Variants in NCKAP1 observed in about 807,000 individuals in gnomAD.
The protein encoded by NCKAP1 is NCK associated protein 1, also known as nck-associated protein 1.
A neutral mutation model predicts 151.2 loss-of-function variants in NCKAP1; 21 were observed. The observed-to-expected ratio is 0.14, with a 90% CI of 0.10 to 0.20. NCKAP1 has a LOEUF of 0.20. NCKAP1 is among the 10% of genes least tolerant of loss of function. The pLI is 1.00. For synonymous variants in NCKAP1, 484 were observed against 451.8 expected (o/e 1.07, Z -0.90); for missense variants, 933 against 1,352.1 (o/e 0.69, Z 4.86).
intron 19 of NCKAP1, 73 bp downstream of exon 19, chr2:182,957,384 C>T (rs192743996): frequency 1.4e-6 from 2 of 1,462,464 alleles, no homozygotes; most frequent in African/African-American, 2.8e-5. Flanking sequence ...TTCCTCAGTA[C>T]TAATGTCAAT....
At chr2:182,932,969 C>CA (rs1417350378) in intron 26 of NCKAP1, among the ~76,000 whole-genome samples, 7 of 151,686 alleles carry the variant, frequency 4.6e-5, no homozygotes, top group East Asian at 1.9e-4. Flanking sequence ...GCAACAACAC[C>CA]AAAAAAACAA....
intron 29 of NCKAP1, among the ~76,000 whole-genome samples, chr2:182,927,874 G>T (rs961413537): frequency 6.6e-6 from 1 of 151,806 alleles, no homozygotes; most frequent in Admixed American, 6.6e-5. Context: ...GGAAATAACG[G>T]ACGGCTCCTC....
intron 9 of NCKAP1, among the ~76,000 whole-genome samples, chr2:182,988,721 T>C (rs1698106589): frequency 6.6e-6 from 1 of 152,350 alleles, no homozygotes; most frequent in East Asian, 1.9e-4. Context: ...CTCTAAAATG[T>C]ATATGGTACT....
In NCKAP1 at chr2:182,919,406, C is replaced by A. The variant is rs899940633; in HGVS notation, c.*6296G>T. On this transcript the variant is annotated 3_prime_UTR_variant, in exon 31 of 31. Coordinates refer to ENST00000361354, the MANE Select transcript of NCKAP1 (RefSeq NM_013436.5). Reference sequence around the variant, plus strand: ...TAACAGTTAAATGGTTAAATGACTACCTACTTCAATGTGCTTTCTGGCAGC... The same window carrying A: ...TAACAGTTAAATGGTTAAATGACTAACTACTTCAATGTGCTTTCTGGCAGC... 2.0e-5 allele frequency: 3 copies of A among 152,210 alleles called. No homozygotes were observed. Among genetic ancestry groups the A allele is most frequent in the Admixed American group, 2.0e-4 (3 of 15,284 alleles). 9.4% of individuals were successfully genotyped at this position (152,210 alleles called of 1,614,324 possible).
At chr2:183,021,315 G>A (rs1393485048) in intron 2 of NCKAP1, among the ~76,000 whole-genome samples, 1 of 152,172 alleles carries the variant, frequency 6.6e-6, no homozygotes, top group East Asian at 1.9e-4. Context: ...AAAAAGAAAT[G>A]AAGATTGGGC....
rs1468137053 is a variant in NCKAP1 at position 182,981,334 on chromosome 2, T to C, written c.1251A>G (p.Ala417=). The C allele has an allele frequency of 6.2e-7, 1 of 1,613,146 alleles. No homozygotes were observed. The highest frequency in any genetic ancestry group is 8.5e-7 in the Non-Finnish European group (1 of 1,179,324). ...ELIFYMEELR[A]HVRKYGPVMQ... is the part of the protein sequence containing the mutation. The stretch of plus-strand genomic sequence containing the variant: ...TTACAGGTCCGTATTTCCTCACATG[T>C]GCTCTAAGTTCTTCCATGTAAAATA... The change falls in exon 13 of 31, where the codon GCA becomes GCG. Residue 417 remains alanine, a synonymous_variant. Coordinates refer to ENST00000361354, the MANE Select transcript of NCKAP1 (RefSeq NM_013436.5).
At chr2:183,000,989 C>T (rs888205640) in intron 6 of NCKAP1, among the ~76,000 whole-genome samples, 1 of 152,060 alleles carries the variant, frequency 6.6e-6, no homozygotes, top group East Asian at 1.9e-4. Context: ...CAGCTACTCT[C>T]GAGGCAGGGG....
In NCKAP1 at chr2:182,956,481, G is replaced by A; in HGVS notation, c.2134C>T (p.Leu712=). The A allele has an allele frequency of 6.2e-7, 1 of 1,610,810 alleles. No individual in the cohort carries two copies. The highest frequency in any genetic ancestry group is 1.1e-5 in the South Asian group (1 of 89,904). ...FTPREYLTSH[L]EIRFTKSIVG... is the part of the protein sequence containing the mutation. ...TCTTACTTGGTAAAGCGTATTTCCA[G>A]ATGAGAAGTCAAATATTCTCGTGGG... The change falls in exon 20 of 31, where the codon CTG becomes TTG. Residue 712 remains leucine (L), a synonymous_variant. Coordinates refer to ENST00000361354, the MANE Select transcript of NCKAP1 (RefSeq NM_013436.5).
intron 19 of NCKAP1, 76 bp downstream of exon 19, chr2:182,957,381 G>C: frequency 2.8e-6 from 4 of 1,437,524 alleles, no homozygotes; most frequent in Non-Finnish European, 3.8e-6. Flanking sequence ...CATTTCCTCA[G>C]TACTAATGTC....
intron 17 of NCKAP1, 68 bp downstream of exon 17, chr2:182,964,608 G>C: frequency 7.7e-7 from 1 of 1,298,064 alleles, no homozygotes. Context: ...GTAAATATTT[G>C]GTTGGCTACA....
chr2:183,001,733 A>T (rs1698377962), intron 6 of NCKAP1, among the ~76,000 whole-genome samples: 1 of 152,192 alleles, frequency 6.6e-6, no homozygotes, highest in Non-Finnish European at 1.5e-5. Context: ...AAAATCTAAA[A>T]AACTATAATG....
intron 6 of NCKAP1, among the ~76,000 whole-genome samples, chr2:183,000,616 A>T (rs547035246): frequency 3.9e-5 from 6 of 152,310 alleles, no homozygotes; most frequent in East Asian, 1.9e-4. Flanking sequence ...TGATTTTTTT[A>T]AATTTCAAAA....
At chr2:183,032,394 T>C (rs1453981709) in intron 1 of NCKAP1, among the ~76,000 whole-genome samples, 2 of 152,324 alleles carry the variant, frequency 1.3e-5, no homozygotes, top group East Asian at 3.9e-4. Flanking sequence ...CATCAGATGA[T>C]TTCATCATTG....
chr2:182,926,472 T>A (rs1696650773), intron 30 of NCKAP1, among the ~76,000 whole-genome samples: 1 of 151,794 alleles, frequency 6.6e-6, no homozygotes, highest in Admixed American at 6.6e-5. Context: ...TTACGAGAAA[T>A]GGGCAGAATA....
intron 1 of NCKAP1, among the ~76,000 whole-genome samples, chr2:183,031,268 C>A (rs1223618140): frequency 6.6e-6 from 1 of 152,028 alleles, no homozygotes; most frequent in Non-Finnish European, 1.5e-5. Context: ...TATTAATTAC[C>A]ATTCCATTTA....
intron 9 of NCKAP1, among the ~76,000 whole-genome samples, chr2:182,988,233 T>C (rs890389205): frequency 3.3e-5 from 5 of 152,184 alleles, no homozygotes; most frequent in Admixed American, 6.5e-5. Flanking sequence ...GTCAGACATA[T>C]ACACATACAT....
chr2:182,932,477 C>G (rs1399353943), intron 26 of NCKAP1, among the ~76,000 whole-genome samples: 2 of 152,008 alleles, frequency 1.3e-5, no homozygotes, highest in African/African-American at 4.8e-5. Context: ...TGGGGAGTGA[C>G]TGCTAATGGG....
At chr2:182,967,018 A>C (rs1697585825) in intron 16 of NCKAP1, among the ~76,000 whole-genome samples, 198 bp downstream of exon 16, 1 of 152,216 alleles carries the variant, frequency 6.6e-6, no homozygotes, top group African/African-American at 2.4e-5. Context: ...CTTTTAGAGA[A>C]TTAAAAACAG....
chr2:182,963,297 A>T (rs765325992), intron 17 of NCKAP1, among the ~76,000 whole-genome samples: 4 of 152,096 alleles, frequency 2.6e-5, no homozygotes, highest in Non-Finnish European at 5.9e-5. Flanking sequence ...CTTCTGAAAG[A>T]CATAAATCTT....
Sources: gnomAD v4.1 joint callset for allele counts (sites outside exome capture counted in the v4.1 genomes callset) on GRCh38, gnomAD v4.1.1 for gene constraint, MANE v1.5 for transcripts, NCBI Gene and HGNC (gene_info 2026-07-23, HGNC 2026-07-21) for gene names.